The following DSN1 variants were observed in gnomAD, a reference collection of about 807,000 sequenced individuals.
The protein encoded by DSN1 is kinetochore-associated protein DSN1 homolog.
A neutral mutation model predicts 45.7 loss-of-function variants in DSN1; 31 were observed. The observed-to-expected ratio is 0.68, with a 90% CI of 0.51 to 0.92. The LOEUF is 0.92. DSN1 is among the 40% of genes least tolerant of loss of function. DSN1 has a pLI of 0.00. For missense variants in DSN1, 394 were observed against 414.2 expected (o/e 0.95, Z 0.42); for synonymous variants, 134 against 142.3 (o/e 0.94, Z 0.41).
At chr20:36,758,189 T>C (rs370217738) in intron 7 of DSN1, 28 bp from the exon 8 acceptor site, 3 of 1,587,778 alleles carry the variant, frequency 1.9e-6, no homozygotes, top group Non-Finnish European at 2.6e-6. Flanking sequence ...AAAAGTTCAG[T>C]TAATTTTTAT....
rs1987774627 is a variant in DSN1, at chr20:36,773,751, T to G, written c.-105A>C. ...CGCAGCCGATACTCCCTGATCAGGG[T>G]GAAGCGGTCTCCACCTTCTACGTCA... On this transcript the variant is annotated 5_prime_UTR_variant, in exon 1 of 11. Transcript: ENST00000373750. The G allele has an allele frequency of 1.0e-6, 1 of 985,372 alleles. No homozygotes were observed. The highest frequency in any genetic ancestry group is 1.2e-6 in the Non-Finnish European group (1 of 829,982). 61.0% of individuals were successfully genotyped at this position (985,372 alleles called of 1,614,324 possible).
At chr20:36,766,194 CAAAA>C (rs368772931) in intron 5 of DSN1, among the ~76,000 whole-genome samples, 2 of 48,026 alleles carry the variant, frequency 4.2e-5, no homozygotes, top group Admixed American at 2.4e-4. Context: ...GACTCCATCT[CAAAA>C]AAAAAAAAAA....
chr20:36,762,736 A>G (rs144543862), intron 5 of DSN1, among the ~76,000 whole-genome samples, 188 bp from the exon 6 acceptor site: 2 of 152,070 alleles, frequency 1.3e-5, no homozygotes, highest in African/African-American at 2.4e-5. Context: ...AGGTATAGAT[A>G]AAATGAAAGA....
At position 36,771,467 on chromosome 20, in the gene DSN1, G is replaced by A. The variant is rs1568701437; in HGVS notation, c.-9C>T. On this transcript the variant is annotated 5_prime_UTR_variant, in exon 2 of 11. Coordinates refer to ENST00000373750, the MANE Select transcript of DSN1 (RefSeq NM_001145315.2). ...CTAGTCACTGAAGTCATCCTAGGTG[G>A]TAAACTCTGAAAATAGGAAAATGGA... 2 of 1,613,452 alleles carry A rather than the reference G, an allele frequency of 1.2e-6. No individual in the cohort carries two copies. Among genetic ancestry groups the A allele is most frequent in the East Asian group, 2.2e-5 (1 of 44,876 alleles).
At chr20:36,769,966 G>C (rs1431980099) in intron 3 of DSN1, among the ~76,000 whole-genome samples, 1 of 114,254 alleles carries the variant, frequency 8.8e-6, no homozygotes, top group East Asian at 3.1e-4. Flanking sequence ...GAGAGAGAAA[G>C]AAAGTGAGGC....
intron 3 of DSN1, among the ~76,000 whole-genome samples, chr20:36,770,159 G>A (rs971074413): frequency 1.3e-5 from 2 of 152,002 alleles, no homozygotes; most frequent in African/African-American, 4.8e-5. Flanking sequence ...TGAATTCCTG[G>A]GCCCAAGTGA....
Position 36,752,330 on chromosome 20 carries a change from A to G in DSN1, c.*458T>C. 6.5e-6 allele frequency: 1 copy of G among 153,166 alleles called. No homozygotes were observed. The highest frequency in any genetic ancestry group is 1.5e-5 in the Non-Finnish European group (1 of 68,658). 9.5% of individuals were successfully genotyped at this position (153,166 alleles called of 1,614,324 possible). A position where few individuals can be genotyped will look rare whatever the true frequency, so the allele number is the denominator to read the frequency against. ...CAGTCACCCAAAATGCTAGGATTAC[A>G]GGCGTGAGCCATTGCGCCCAGCCTC... On this transcript the variant is annotated 3_prime_UTR_variant, in exon 11 of 11. Coordinates refer to ENST00000373750, the MANE Select transcript of DSN1 (RefSeq NM_001145315.2).
intron 5 of DSN1, among the ~76,000 whole-genome samples, chr20:36,765,846 T>TAAAAAAAAA (rs72491027): frequency 1.4e-5 from 1 of 69,504 alleles, no homozygotes. Context: ...AGCAAAAGAC[T>TAAAAAAAAA]AAAAAAAAAA....
intron 3 of DSN1, among the ~76,000 whole-genome samples, chr20:36,768,601 T>C (rs921449629): frequency 1.3e-5 from 2 of 152,214 alleles, no homozygotes; most frequent in Non-Finnish European, 2.9e-5. Context: ...GGTCTTGAAC[T>C]CCTGGCCTCA....
At chr20:36,764,657 G>C (rs529276257) in intron 5 of DSN1, among the ~76,000 whole-genome samples, 2 of 152,076 alleles carry the variant, frequency 1.3e-5, no homozygotes, top group Non-Finnish European at 2.9e-5. Context: ...ATGGTGGCTC[G>C]CGCCTATAAT....
intron 3 of DSN1, among the ~76,000 whole-genome samples, chr20:36,768,919 A>G (rs927059721): frequency 1.3e-5 from 2 of 152,216 alleles, no homozygotes; most frequent in African/African-American, 4.8e-5. Context: ...TAATGACCTC[A>G]TAATAGCATT....
At chr20:36,762,780 C>T (rs944342999) in intron 5 of DSN1, among the ~76,000 whole-genome samples, 8 of 152,050 alleles carry the variant, frequency 5.3e-5, no homozygotes, top group Non-Finnish European at 1.2e-4. Context: ...TAGACAGACT[C>T]TCGCTCCGTC....
At chr20:36,754,910 A>C in intron 9 of DSN1, 60 bp from the exon 10 acceptor site, 3 of 1,451,986 alleles carry the variant, frequency 2.1e-6, no homozygotes, top group Non-Finnish European at 2.9e-6. Flanking sequence ...TGTTCCTCAA[A>C]CCTGACAAGC....
At chr20:36,757,626 A>G (rs1459093370) in intron 8 of DSN1, among the ~76,000 whole-genome samples, 1 of 152,102 alleles carries the variant, frequency 6.6e-6, no homozygotes, top group East Asian at 1.9e-4. Flanking sequence ...CTTTTCCTCT[A>G]CCTTCAAGAC....
Position 36,773,762 on chromosome 20 carries a change from C to A in DSN1, c.-116G>T. On this transcript the variant is annotated 5_prime_UTR_variant, in exon 1 of 11. Coordinates refer to ENST00000373750, the MANE Select transcript of DSN1 (RefSeq NM_001145315.2). ...CTCCCTGATCAGGGTGAAGCGGTCT[C>A]CACCTTCTACGTCACGGTCACCGCC... 2 of 985,520 alleles carry A rather than the reference C, an allele frequency of 2.0e-6. No homozygotes were observed. The highest frequency in any genetic ancestry group is 2.4e-6 in the Non-Finnish European group (2 of 829,964). The allele number at this position is 985,520 out of a possible 1,614,324, so 61.0% of individuals were successfully genotyped here.
chr20:36,766,755 T>C lies in DSN1; in HGVS notation c.502+14A>G, dbSNP rs772389937. 17 of 1,606,948 alleles carry C rather than the reference T, an allele frequency of 1.1e-5. No individual in the cohort carries two copies. The South Asian group carries it at 1.6e-4, about 15-fold the overall frequency. ...TGCCCAGGGTCAAAGCTCACTCATC[T>C]GTTAGCAACTTACCTTTGGCTCTAA... is the stretch of plus-strand genomic sequence containing the variant. On this transcript the variant is annotated intron_variant, in intron 5 of 10. Coordinates refer to ENST00000373750, the MANE Select transcript of DSN1 (RefSeq NM_001145315.2).
chr20:36,753,390 C>T (rs1986481811), intron 10 of DSN1, among the ~76,000 whole-genome samples: 1 of 147,816 alleles, frequency 6.8e-6, no homozygotes, highest in Non-Finnish European at 1.5e-5. Flanking sequence ...GTAATCCCAA[C>T]ACTTTGGAAA....
chr20:36,760,562 C>T (rs1249837419), intron 6 of DSN1, among the ~76,000 whole-genome samples: 1 of 152,148 alleles, frequency 6.6e-6, no homozygotes, highest in Admixed American at 6.6e-5. Flanking sequence ...CCACCTCTGG[C>T]TAAGAAACAC....
chr20:36,762,466 T>C lies in DSN1; in HGVS notation c.585A>G (p.Ser195=), dbSNP rs747996730. 16 of 1,613,236 alleles carry C rather than the reference T, an allele frequency of 9.9e-6. No homozygotes were observed. Among genetic ancestry groups the C allele is most frequent in the African/African-American group, 5.3e-5 (4 of 74,900 alleles). ...DGTLQKCFED[S]NGKASDFSLE... ...AGAAGGGGAACTGCTCTTACCCATTTGAATCTTCAAAACATTTTTGTAGAG... is the reference window on the plus strand; with the variant it reads ...AGAAGGGGAACTGCTCTTACCCATTCGAATCTTCAAAACATTTTTGTAGAG... The change falls in exon 6 of 11, where the codon TCA becomes TCG. Residue 195 remains serine, a synonymous_variant. Coordinates refer to ENST00000373750, the MANE Select transcript of DSN1 (RefSeq NM_001145315.2).
Sources: gnomAD v4.1 joint callset for allele counts (sites outside exome capture counted in the v4.1 genomes callset) on GRCh38, gnomAD v4.1.1 for gene constraint, MANE v1.5 for transcripts, NCBI Gene and HGNC (gene_info 2026-07-23, HGNC 2026-07-21) for gene names.